CFAP299: variants seen among roughly 807,000 people sequenced by gnomAD.
The protein encoded by CFAP299 is cilia and flagella associated protein 299, also known as cilia- and flagella-associated protein 299.
In CFAP299, 21 loss-of-function variants were observed where a neutral mutation model predicts 27.0. That is an observed-to-expected ratio of 0.78 (90% CI 0.55 to 1.12). CFAP299 has a LOEUF of 1.12. CFAP299 is among the 50% of genes most tolerant of loss of function. The pLI, the probability that CFAP299 is intolerant of heterozygous loss-of-function variation, is 0.00. For synonymous variants in CFAP299, 104 were observed against 98.1 expected (o/e 1.06, Z -0.36); for missense variants, 310 against 276.6 (o/e 1.12, Z -0.86).
chr4:80,893,493 C>T, intron 4 of CFAP299, among the ~76,000 whole-genome samples: 1 of 151,704 alleles, frequency 6.6e-6, no homozygotes, highest in Middle Eastern at 3.2e-3. Context: ...GTAATCAGAA[C>T]AGTATGATGC....
chr4:80,722,072 TA>T, intron 3 of CFAP299, among the ~76,000 whole-genome samples: 1 of 152,278 alleles, frequency 6.6e-6, no homozygotes, highest in South Asian at 2.1e-4. Flanking sequence ...ATTATTGAAA[TA>T]TCTGCAACAT....
At chr4:80,522,903 A>G (rs1732993151) in intron 2 of CFAP299, among the ~76,000 whole-genome samples, 1 of 151,994 alleles carries the variant, frequency 6.6e-6, no homozygotes, top group African/African-American at 2.4e-5. Flanking sequence ...TACTATTGCT[A>G]TGTAATATTT....
intron 2 of CFAP299, among the ~76,000 whole-genome samples, chr4:80,535,436 A>G (rs1733687801): frequency 1.4e-5 from 1 of 69,918 alleles, no homozygotes; most frequent in Non-Finnish European, 2.4e-5. Context: ...CGGAGCTTGC[A>G]GTGAGCCGAG....
intron 1 of CFAP299, among the ~76,000 whole-genome samples, chr4:80,342,591 A>G (rs964575951): frequency 1.1e-4 from 16 of 152,196 alleles, no homozygotes; most frequent in Admixed American, 9.2e-4. Context: ...CACAGGAGAA[A>G]TAAGATCCTT....
At chr4:80,930,554 A>C (rs1003574537) in intron 4 of CFAP299, among the ~76,000 whole-genome samples, 5 of 152,140 alleles carry the variant, frequency 3.3e-5, no homozygotes, top group Non-Finnish European at 7.4e-5. Flanking sequence ...TGTCAGAATT[A>C]AACTGAAATA....
At chr4:80,887,447 G>GAA (rs59406741) in intron 4 of CFAP299, among the ~76,000 whole-genome samples, 64 of 151,522 alleles carry the variant, frequency 4.2e-4, no homozygotes, top group East Asian at 2.7e-3. Context: ...AGTGCTGAAA[G>GAA]AAAAAAAATA....
intron 2 of CFAP299, among the ~76,000 whole-genome samples, chr4:80,438,024 C>G (rs1728175377): frequency 6.6e-6 from 1 of 152,050 alleles, no homozygotes; most frequent in Non-Finnish European, 1.5e-5. Context: ...GTGAACAAAA[C>G]AGAAAAAGCA....
At chr4:80,606,905 C>T (rs1737707348) in intron 3 of CFAP299, among the ~76,000 whole-genome samples, 1 of 151,982 alleles carries the variant, frequency 6.6e-6, no homozygotes, top group Non-Finnish European at 1.5e-5. Flanking sequence ...GATAAATTTC[C>T]AGCAGGCTAC....
intron 3 of CFAP299, among the ~76,000 whole-genome samples, chr4:80,669,159 T>C: frequency 8.4e-6 from 1 of 119,464 alleles, no homozygotes; most frequent in African/African-American, 3.4e-5. Flanking sequence ...CTTTTTTTTT[T>C]TTTTTTTTTT....
intron 3 of CFAP299, among the ~76,000 whole-genome samples, chr4:80,837,485 T>C (rs1041916220): frequency 2.0e-5 from 3 of 152,128 alleles, no homozygotes; most frequent in Non-Finnish European, 2.9e-5. Flanking sequence ...CCTCCCTGTG[T>C]CCATGTGTTC....
chr4:80,505,047 CA>C (rs1189831667), intron 2 of CFAP299, among the ~76,000 whole-genome samples: 2 of 148,542 alleles, frequency 1.3e-5, no homozygotes, highest in African/African-American at 4.9e-5. Flanking sequence ...ATTTATATAT[CA>C]TTTATATATT....
chr4:80,877,900 T>C (rs1386800592), intron 4 of CFAP299, among the ~76,000 whole-genome samples: 1 of 152,140 alleles, frequency 6.6e-6, no homozygotes, highest in Non-Finnish European at 1.5e-5. Flanking sequence ...GGTATTTTGG[T>C]GTGTGTTTAT....
intron 3 of CFAP299, 45 bp downstream of exon 3, chr4:80,583,228 C>T (rs187294316): frequency 9.1e-7 from 1 of 1,095,524 alleles, no homozygotes; most frequent in East Asian, 2.5e-5. Flanking sequence ...ACACTAAATG[C>T]ACAATTAATA....
At chr4:80,919,236 G>T (rs1735918386) in intron 4 of CFAP299, among the ~76,000 whole-genome samples, 1 of 152,088 alleles carries the variant, frequency 6.6e-6, no homozygotes, top group Admixed American at 6.6e-5. Flanking sequence ...TAATTAGAAA[G>T]ATTTCCAGAT....
At chr4:80,670,774 G>A (rs912497880) in intron 3 of CFAP299, among the ~76,000 whole-genome samples, 1 of 152,210 alleles carries the variant, frequency 6.6e-6, no homozygotes, top group African/African-American at 2.4e-5. Context: ...TCTGTTGGCT[G>A]CATAAATGTC....
At chr4:80,691,574 C>A (rs1339098134) in intron 3 of CFAP299, among the ~76,000 whole-genome samples, 1 of 151,806 alleles carries the variant, frequency 6.6e-6, no homozygotes, top group Non-Finnish European at 1.5e-5. Flanking sequence ...ATGACAAACC[C>A]ACAGCCAATA....
chr4:80,500,749 C>T (rs750444744), intron 2 of CFAP299, among the ~76,000 whole-genome samples: 4 of 152,018 alleles, frequency 2.6e-5, no homozygotes, highest in Admixed American at 6.6e-5. Context: ...AGTCTGTTTC[C>T]GATGCTCATA....
intron 2 of CFAP299, among the ~76,000 whole-genome samples, chr4:80,384,149 T>A (rs1393976746): frequency 6.6e-6 from 1 of 152,122 alleles, no homozygotes; most frequent in African/African-American, 2.4e-5. Flanking sequence ...CCTTACAATC[T>A]CCTCCTGCCC....
At chr4:80,844,888 G>T (rs997131906) in intron 3 of CFAP299, among the ~76,000 whole-genome samples, 5 of 152,138 alleles carry the variant, frequency 3.3e-5, no homozygotes, top group Admixed American at 2.6e-4. Flanking sequence ...ATGGTTTTAG[G>T]TCTAACATGT....
Sources: allele counts gnomAD v4.1 joint callset (sites outside exome capture counted in the v4.1 genomes callset), GRCh38; gene constraint gnomAD v4.1.1; transcripts MANE v1.5; gene names NCBI Gene and HGNC (gene_info 2026-07-23, HGNC 2026-07-21).